The following DPYD variants were observed in gnomAD, a reference collection of about 807,000 sequenced individuals.
The protein encoded by DPYD is dihydropyrimidine dehydrogenase [NADP(+)].
In DPYD, 109 loss-of-function variants were observed where a neutral mutation model predicts 116.2. The ratio of observed to expected loss-of-function variants is 0.94; its 90% confidence interval spans 0.80 to 1.10. The LOEUF (loss-of-function observed/expected upper bound fraction) is 1.10. Among genes scored for constraint, DPYD ranks in the 50% least tolerant of loss-of-function variants. The pLI is 0.00. For synonymous variants in DPYD, 440 were observed against 432.0 expected (o/e 1.02, Z -0.23); for missense variants, 1,302 against 1,254.5 (o/e 1.04, Z -0.57).
intron 9 of DPYD, 117 bp downstream of exon 9, chr1:97,594,942 T>G: frequency 5.5e-6 from 4 of 729,942 alleles, no homozygotes; most frequent in Non-Finnish European, 6.7e-6. Context: ...CATTTGGGTC[T>G]TAGGCAAGGT....
At chr1:97,374,430 G>A (rs1671482322) in intron 15 of DPYD, among the ~76,000 whole-genome samples, 1 of 152,066 alleles carries the variant, frequency 6.6e-6, no homozygotes, top group East Asian at 1.9e-4. Flanking sequence ...ACTTTTAAAA[G>A]TTATTATAGG....
intron 20 of DPYD, among the ~76,000 whole-genome samples, chr1:97,147,742 C>A (rs1200665418): frequency 2.0e-5 from 3 of 152,200 alleles, no homozygotes; most frequent in Non-Finnish European, 4.4e-5. Flanking sequence ...ACGTCCTTAG[C>A]CCATCAGTCC....
At chr1:97,292,470 A>G (rs768089046) in intron 18 of DPYD, among the ~76,000 whole-genome samples, 1 of 152,206 alleles carries the variant, frequency 6.6e-6, no homozygotes, top group Non-Finnish European at 1.5e-5. Flanking sequence ...ACTCACTATC[A>G]TGAGAACAGC....
chr1:97,339,095 T>A (rs1669458561), intron 16 of DPYD, among the ~76,000 whole-genome samples: 2 of 151,070 alleles, frequency 1.3e-5, no homozygotes, highest in African/African-American at 4.9e-5. Context: ...TAGCTACTGC[T>A]GAGACCTGAA....
intron 18 of DPYD, among the ~76,000 whole-genome samples, chr1:97,276,239 C>G (rs1411620217): frequency 2.6e-5 from 4 of 152,030 alleles, no homozygotes; most frequent in African/African-American, 9.7e-5. Context: ...TCTTAATGGT[C>G]TTATATTTAA....
At chr1:97,893,253 G>T (rs147779827) in intron 1 of DPYD, among the ~76,000 whole-genome samples, 403 of 151,244 alleles carry the variant, frequency 2.7e-3, no homozygotes, top group African/African-American at 9.5e-3. Context: ...AAAAAATAGA[G>T]ATGTATCTCA....
chr1:97,240,022 T>C (rs1662221329), intron 18 of DPYD, among the ~76,000 whole-genome samples: 1 of 152,052 alleles, frequency 6.6e-6, no homozygotes, highest in Non-Finnish European at 1.5e-5. Context: ...TCTTGTGTGT[T>C]TAGTGATGCA....
chr1:97,843,511 A>G (rs1010336429), intron 2 of DPYD, among the ~76,000 whole-genome samples: 15 of 152,168 alleles, frequency 9.9e-5, no homozygotes, highest in Non-Finnish European at 1.9e-4. Context: ...TGGACATTAC[A>G]ATATTGACTG....
At chr1:97,561,075 T>A (rs545452428) in intron 11 of DPYD, among the ~76,000 whole-genome samples, 2 of 152,268 alleles carry the variant, frequency 1.3e-5, no homozygotes, top group East Asian at 3.9e-4. Context: ...GAAACTGTAG[T>A]AAGAAGTTTG....
At chr1:97,325,357 A>T (rs1230061953) in intron 16 of DPYD, among the ~76,000 whole-genome samples, 2 of 152,048 alleles carry the variant, frequency 1.3e-5, no homozygotes, top group Non-Finnish European at 2.9e-5. Context: ...TACTATTCCT[A>T]GAACTTAACA....
At chr1:97,518,747 T>G (rs1289752905) in intron 12 of DPYD, among the ~76,000 whole-genome samples, 1 of 152,112 alleles carries the variant, frequency 6.6e-6, no homozygotes, top group Non-Finnish European at 1.5e-5. Flanking sequence ...ACCTAGGTGT[T>G]GAACAATGGG....
At chr1:97,692,251 C>A (rs1288952733) in intron 6 of DPYD, among the ~76,000 whole-genome samples, 1 of 151,894 alleles carries the variant, frequency 6.6e-6, no homozygotes, top group African/African-American at 2.4e-5. Flanking sequence ...AAATGTACTT[C>A]TAGCTTGTTG....
chr1:97,635,616 G>A (rs1007258057), intron 8 of DPYD, among the ~76,000 whole-genome samples: 1 of 152,126 alleles, frequency 6.6e-6, no homozygotes, highest in African/African-American at 2.4e-5. Context: ...TTCTTCAAGG[G>A]CAGGGAATAC....
At chr1:97,471,564 A>G (rs139426672) in intron 13 of DPYD, among the ~76,000 whole-genome samples, 2,589 of 151,960 alleles carry the variant, frequency 0.017, 39 homozygotes, top group Non-Finnish European at 0.026. Flanking sequence ...TTCACAGTAA[A>G]TTAGTATGGG....
chr1:97,576,627 C>T (rs1369549773), intron 10 of DPYD, among the ~76,000 whole-genome samples: 1 of 152,152 alleles, frequency 6.6e-6, no homozygotes, highest in Non-Finnish European at 1.5e-5. Flanking sequence ...GTAATGTTCT[C>T]ACCATGGTTT....
At chr1:97,655,081 A>C (rs925792202) in intron 8 of DPYD, among the ~76,000 whole-genome samples, 6 of 152,216 alleles carry the variant, frequency 3.9e-5, no homozygotes, top group African/African-American at 1.2e-4. Flanking sequence ...CTACAATTCA[A>C]GATGAGGTTT....
intron 8 of DPYD, among the ~76,000 whole-genome samples, chr1:97,645,345 C>G (rs1385895012): frequency 1.3e-5 from 2 of 152,050 alleles, no homozygotes; most frequent in Non-Finnish European, 2.9e-5. Flanking sequence ...AGTTACACTT[C>G]TTTTATTATG....
At chr1:97,379,352 G>GAGCA (rs1053471913) in intron 15 of DPYD, among the ~76,000 whole-genome samples, 1 of 152,182 alleles carries the variant, frequency 6.6e-6, no homozygotes, top group Admixed American at 6.5e-5. Context: ...GATTGGTTGA[G>GAGCA]AGCAAGAAGA....
At chr1:97,609,804 G>A (rs927186739) in intron 8 of DPYD, among the ~76,000 whole-genome samples, 3 of 151,776 alleles carry the variant, frequency 2.0e-5, no homozygotes, top group Admixed American at 6.6e-5. Flanking sequence ...TGTTAATATA[G>A]CTATTTTATT....
Sources: allele counts gnomAD v4.1 joint callset (sites outside exome capture counted in the v4.1 genomes callset), GRCh38; gene constraint gnomAD v4.1.1; transcripts MANE v1.5; gene names NCBI Gene and HGNC (gene_info 2026-07-23, HGNC 2026-07-21).